HS6ST3: variants seen among roughly 807,000 people sequenced by gnomAD.
The protein encoded by HS6ST3 is heparan sulfate 6-O-sulfotransferase 3, also known as heparan-sulfate 6-O-sulfotransferase 3.
In HS6ST3, 12 loss-of-function variants were observed where a neutral mutation model predicts 36.7. The observed-to-expected ratio is 0.33, with a 90% CI of 0.21 to 0.53. HS6ST3 has a LOEUF of 0.53. HS6ST3 is among the 20% of genes least tolerant of loss of function. The pLI is 0.95. For missense variants in HS6ST3, 584 were observed against 640.9 expected (o/e 0.91, Z 0.96); for synonymous variants, 240 against 257.5 (o/e 0.93, Z 0.65).
intron 1 of HS6ST3, among the ~76,000 whole-genome samples, chr13:96,161,058 G>A (rs1216002684): frequency 6.6e-6 from 1 of 152,108 alleles, no homozygotes; most frequent in Non-Finnish European, 1.5e-5. Flanking sequence ...TTGCCAAGTA[G>A]CATTTCTAGG....
intron 1 of HS6ST3, among the ~76,000 whole-genome samples, chr13:96,813,593 C>G (rs923413652): frequency 4.6e-5 from 7 of 152,204 alleles, no homozygotes; most frequent in Admixed American, 2.0e-4. Flanking sequence ...GTCTTTACTT[C>G]CCTTGACAAC....
chr13:96,602,392 G>A (rs112224238), intron 1 of HS6ST3, among the ~76,000 whole-genome samples: 4 of 152,124 alleles, frequency 2.6e-5, no homozygotes, highest in African/African-American at 9.6e-5. Flanking sequence ...TTAATAATAG[G>A]TACTTATTTC....
chr13:96,689,937 G>A (rs1467987631), intron 1 of HS6ST3, among the ~76,000 whole-genome samples: 1 of 152,020 alleles, frequency 6.6e-6, no homozygotes, highest in African/African-American at 2.4e-5. Flanking sequence ...GGTAGAACAA[G>A]TAGGAAAAAT....
intron 1 of HS6ST3, among the ~76,000 whole-genome samples, chr13:96,630,227 C>T (rs925829490): frequency 5.9e-5 from 9 of 152,018 alleles, no homozygotes; most frequent in Admixed American, 2.6e-4. Context: ...GTCTCTCATT[C>T]TTGGTGTGCT....
intron 1 of HS6ST3, among the ~76,000 whole-genome samples, chr13:96,713,365 T>A (rs911478692): frequency 1.3e-5 from 2 of 152,222 alleles, no homozygotes; most frequent in South Asian, 4.1e-4. Flanking sequence ...TTAACATTTC[T>A]CTTTGGAACC....
At chr13:96,117,321 C>A (rs2053898426) in intron 1 of HS6ST3, among the ~76,000 whole-genome samples, 1 of 152,002 alleles carries the variant, frequency 6.6e-6, no homozygotes, top group Non-Finnish European at 1.5e-5. Context: ...CTAAACACAT[C>A]AAAATAAAGC....
intron 1 of HS6ST3, among the ~76,000 whole-genome samples, chr13:96,240,160 T>TA (rs1372729939): frequency 6.6e-6 from 1 of 152,220 alleles, no homozygotes; most frequent in Admixed American, 6.5e-5. Context: ...ATGTAGCACT[T>TA]ACAGCATTTC....
intron 1 of HS6ST3, among the ~76,000 whole-genome samples, chr13:96,722,688 A>G (rs142400220): frequency 9.3e-4 from 142 of 152,290 alleles, no homozygotes; most frequent in African/African-American, 3.4e-3. Flanking sequence ...GTTAAAATAT[A>G]TATGTTGGCT....
At chr13:96,103,265 A>T (rs2053826235) in intron 1 of HS6ST3, among the ~76,000 whole-genome samples, 1 of 152,344 alleles carries the variant, frequency 6.6e-6, no homozygotes, top group African/African-American at 2.4e-5. Flanking sequence ...TCTGCATTGC[A>T]TAATTTGGCA....
intron 1 of HS6ST3, among the ~76,000 whole-genome samples, chr13:96,459,635 A>C (rs1353610855): frequency 3.3e-5 from 5 of 152,138 alleles, no homozygotes; most frequent in Non-Finnish European, 7.4e-5. Context: ...TTGGATAAAA[A>C]TGTGATTGTA....
At chr13:96,423,429 G>A (rs1046989879) in intron 1 of HS6ST3, among the ~76,000 whole-genome samples, 1 of 151,074 alleles carries the variant, frequency 6.6e-6, no homozygotes, top group African/African-American at 2.5e-5. Context: ...TAACAAGCAC[G>A]GTGAAAAATA....
At chr13:96,825,371 A>C (rs1367448507) in intron 1 of HS6ST3, among the ~76,000 whole-genome samples, 1 of 152,206 alleles carries the variant, frequency 6.6e-6, no homozygotes, top group African/African-American at 2.4e-5. Context: ...CTACTGCAGT[A>C]TTGAAAAGGA....
intron 1 of HS6ST3, among the ~76,000 whole-genome samples, chr13:96,668,032 G>A (rs2056669926): frequency 6.6e-6 from 1 of 152,104 alleles, no homozygotes; most frequent in Non-Finnish European, 1.5e-5. Flanking sequence ...TATCTGCCAA[G>A]CTCAGTTTTA....
intron 1 of HS6ST3, among the ~76,000 whole-genome samples, chr13:96,320,702 G>A (rs2054998869): frequency 1.3e-5 from 2 of 152,224 alleles, no homozygotes; most frequent in African/African-American, 4.8e-5. Context: ...GCTAGCCCCA[G>A]CATGGCCCAG....
intron 1 of HS6ST3, among the ~76,000 whole-genome samples, chr13:96,600,402 A>T (rs936960646): frequency 6.6e-6 from 1 of 151,290 alleles, no homozygotes; most frequent in East Asian, 1.9e-4. Flanking sequence ...TGTTGAATTG[A>T]TCCTTTATTA....
intron 1 of HS6ST3, among the ~76,000 whole-genome samples, chr13:96,321,792 C>T (rs1167453472): frequency 6.6e-6 from 1 of 152,152 alleles, no homozygotes; most frequent in Non-Finnish European, 1.5e-5. Context: ...TGTACCCATG[C>T]AGATGAATGT....
At chr13:96,446,785 G>A (rs991171494) in intron 1 of HS6ST3, among the ~76,000 whole-genome samples, 24 of 152,216 alleles carry the variant, frequency 1.6e-4, no homozygotes, top group African/African-American at 4.6e-4. Context: ...CTAGGACTAC[G>A]CCCTCATTCT....
At chr13:96,421,256 G>A (rs938066889) in intron 1 of HS6ST3, among the ~76,000 whole-genome samples, 2 of 152,084 alleles carry the variant, frequency 1.3e-5, no homozygotes, top group African/African-American at 2.4e-5. Flanking sequence ...ATTATCTTTA[G>A]TACCACAGTT....
At chr13:96,391,553 C>G (rs1045493918) in intron 1 of HS6ST3, among the ~76,000 whole-genome samples, 1 of 152,012 alleles carries the variant, frequency 6.6e-6, no homozygotes, top group African/African-American at 2.4e-5. Flanking sequence ...TTCACACTGC[C>G]GATAGACATA....
Sources: allele counts gnomAD v4.1 joint callset (sites outside exome capture counted in the v4.1 genomes callset), GRCh38; gene constraint gnomAD v4.1.1; transcripts MANE v1.5; gene names NCBI Gene and HGNC (gene_info 2026-07-23, HGNC 2026-07-21).